CLEC16A: variants seen among roughly 807,000 people sequenced by gnomAD.
CLEC16A encodes the protein C-type lectin domain containing 16A.
CLEC16A carries 51 observed loss-of-function variants against 109.5 expected under a neutral mutation model. The ratio of observed to expected loss-of-function variants is 0.47; its 90% CI spans 0.37 to 0.59. CLEC16A has a LOEUF of 0.59. CLEC16A is among the 20% of genes least tolerant of loss of function. The probability of loss-of-function intolerance (pLI) is 0.00; values close to 1 mark genes in which losing one functional copy is unlikely to be tolerated. For synonymous variants in CLEC16A, 673 were observed against 564.2 expected (o/e 1.19, Z -2.73); for missense variants, 1,339 against 1,394.0 (o/e 0.96, Z 0.63).
At chr16:11,006,726 T>C (rs74894691) in intron 11 of CLEC16A, among the ~76,000 whole-genome samples, 5,473 of 152,272 alleles carry the variant, frequency 0.036, 149 homozygotes, top group Non-Finnish European at 0.055. Flanking sequence ...GTTGTTGTTA[T>C]TTTTTATAAA....
intron 11 of CLEC16A, among the ~76,000 whole-genome samples, chr16:11,015,324 A>C (rs148448795): frequency 2.7e-5 from 4 of 146,534 alleles, no homozygotes; most frequent in African/African-American, 7.5e-5. Flanking sequence ...AAGATGTGAC[A>C]CGGGGGTTGG....
At chr16:11,163,127 A>G (rs549807881) in intron 22 of CLEC16A, among the ~76,000 whole-genome samples, 17 of 152,322 alleles carry the variant, frequency 1.1e-4, no homozygotes, top group African/African-American at 4.1e-4. Flanking sequence ...TGCCAAAGCT[A>G]GTTCATCAGG....
At chr16:10,979,044 T>C (rs1463589353) in intron 8 of CLEC16A, among the ~76,000 whole-genome samples, 2 of 152,070 alleles carry the variant, frequency 1.3e-5, no homozygotes, top group Non-Finnish European at 2.9e-5. Flanking sequence ...CAAATGAACG[T>C]GCTTGGTAAC....
intron 13 of CLEC16A, among the ~76,000 whole-genome samples, chr16:11,030,392 G>C (rs2046671535): frequency 6.6e-6 from 1 of 152,176 alleles, no homozygotes; most frequent in African/African-American, 2.4e-5. Flanking sequence ...CATCACCAGT[G>C]TACAAGAGTT....
At chr16:11,162,860 T>G (rs78282038) in intron 22 of CLEC16A, among the ~76,000 whole-genome samples, 1,946 of 152,230 alleles carry the variant, frequency 0.013, 47 homozygotes, top group African/African-American at 0.045. Context: ...CCACCCACAG[T>G]GTCGTCTGCA....
At chr16:11,172,610 C>G (rs996178440) in intron 23 of CLEC16A, among the ~76,000 whole-genome samples, 2 of 152,146 alleles carry the variant, frequency 1.3e-5, no homozygotes, top group Non-Finnish European at 2.9e-5. Flanking sequence ...CAAAAACGGC[C>G]AAGTGCAGTG....
chr16:11,116,524 A>G (rs965362230), intron 19 of CLEC16A, among the ~76,000 whole-genome samples: 1 of 152,202 alleles, frequency 6.6e-6, no homozygotes, highest in Non-Finnish European at 1.5e-5. Flanking sequence ...CGAGGCCTGT[A>G]AAGACCGAGA....
intron 22 of CLEC16A, chr16:11,156,777 C>T (rs1473370059): frequency 2.0e-5 from 16 of 782,702 alleles, no homozygotes; most frequent in Non-Finnish European, 2.5e-5. Context: ...TCTAGAAATC[C>T]AAAGCAAGGT....
chr16:11,030,870 C>T (rs963332355), intron 13 of CLEC16A, among the ~76,000 whole-genome samples: 1 of 152,204 alleles, frequency 6.6e-6, no homozygotes, highest in Non-Finnish European at 1.5e-5. Context: ...GTCTCGAACT[C>T]CTGACCTCAA....
At position 11,166,564 on chromosome 16, in the gene CLEC16A, G is replaced by A. The variant is rs199852208; in HGVS notation, c.2806+12G>A. ...CCAGAGTCCAGCAGGTATTGGCCAC[G>A]TGACTCAGTGATATGGGGACATTTG... On this transcript the variant is annotated intron_variant, in intron 23 of 23. Coordinates refer to ENST00000409790, the MANE Select transcript of CLEC16A (RefSeq NM_015226.3). The A allele has an allele frequency of 2.9e-5, 45 of 1,573,094 alleles. No individual in the cohort carries two copies. Among genetic ancestry groups the A allele is most frequent in the East Asian group, 6.9e-5 (3 of 43,444 alleles).
At chr16:11,095,817 G>GAAAAAAAAAA (rs34366897) in intron 19 of CLEC16A, among the ~76,000 whole-genome samples, 1 of 105,874 alleles carries the variant, frequency 9.4e-6, no homozygotes, top group Non-Finnish European at 1.9e-5. Flanking sequence ...GTCTCAAAAA[G>GAAAAAAAAAA]AAAAAAAAAA....
intron 1 of CLEC16A, among the ~76,000 whole-genome samples, chr16:10,957,308 T>C (rs2042035940): frequency 6.6e-6 from 1 of 152,188 alleles, no homozygotes; most frequent in Admixed American, 6.5e-5. Context: ...GCTCCATCTC[T>C]CTAAACCTCA....
chr16:10,976,165 G>A (rs565346567), intron 7 of CLEC16A, among the ~76,000 whole-genome samples: 1 of 152,270 alleles, frequency 6.6e-6, no homozygotes, highest in African/African-American at 2.4e-5. Context: ...AGATGCTTTG[G>A]AGGCTGAGGT....
chr16:10,993,561 A>G (rs1398864159), intron 10 of CLEC16A, among the ~76,000 whole-genome samples: 1 of 152,158 alleles, frequency 6.6e-6, no homozygotes, highest in African/African-American at 2.4e-5. Flanking sequence ...TTCTATTCCA[A>G]GTCTTTTTAT....
At chr16:11,106,849 A>C (rs563090408) in intron 19 of CLEC16A, among the ~76,000 whole-genome samples, 3 of 152,200 alleles carry the variant, frequency 2.0e-5, no homozygotes, top group African/African-American at 7.2e-5. Context: ...TCACATGCCC[A>C]GGGTCACCAC....
chr16:11,034,683 T>A (rs2046926917), intron 13 of CLEC16A, among the ~76,000 whole-genome samples: 1 of 152,182 alleles, frequency 6.6e-6, no homozygotes, highest in Non-Finnish European at 1.5e-5. Flanking sequence ...GAACATGTGG[T>A]CTGCTGGAAG....
intron 18 of CLEC16A, among the ~76,000 whole-genome samples, chr16:11,057,349 C>G (rs1355476758): frequency 6.6e-6 from 1 of 152,252 alleles, no homozygotes; most frequent in Admixed American, 6.5e-5. Flanking sequence ...CTCGTGGGCT[C>G]AGCACATCAC....
intron 3 of CLEC16A, among the ~76,000 whole-genome samples, chr16:10,965,466 T>C (rs1202506516): frequency 6.6e-6 from 1 of 152,240 alleles, no homozygotes; most frequent in African/African-American, 2.4e-5. Context: ...TGTTTGCTTT[T>C]CTTTTTCCCA....
intron 20 of CLEC16A, 45 bp downstream of exon 20, chr16:11,120,811 AACACACAC>A (rs3217121): frequency 4.7e-4 from 442 of 934,196 alleles, no homozygotes; most frequent in Admixed American, 6.1e-4. Flanking sequence ...GTTGGCTACA[AACACACAC>A]ACACACACAC....
Sources: gnomAD v4.1 joint callset for allele counts (sites outside exome capture counted in the v4.1 genomes callset) on GRCh38, gnomAD v4.1.1 for gene constraint, MANE v1.5 for transcripts, NCBI Gene and HGNC (gene_info 2026-07-23, HGNC 2026-07-21) for gene names.